Variants in SPATA6L observed in about 807,000 individuals in gnomAD.
SPATA6L encodes the protein spermatogenesis associated 6-like protein.
In SPATA6L, 68 loss-of-function variants were observed where a neutral mutation model predicts 49.2. The observed-to-expected ratio is 1.38, with a 90% CI of 1.14 to 1.69. The LOEUF is 1.69. Among genes scored for constraint, SPATA6L ranks in the 40% most tolerant of loss-of-function variants. SPATA6L has a pLI of 0.00. For missense variants in SPATA6L, 668 were observed against 464.3 expected (o/e 1.44, Z -4.03); for synonymous variants, 198 against 165.7 (o/e 1.19, Z -1.50).
chr9:4,661,986 C>A lies in SPATA6L; in HGVS notation c.90G>T (p.Gly30=). The A allele has an allele frequency of 6.2e-7, 1 of 1,614,010 alleles. No individual in the cohort carries two copies. The highest frequency in any genetic ancestry group is 1.6e-4 in the Middle Eastern group (1 of 6,062). The change falls in exon 2 of 12, where the codon GGG becomes GGT. Residue 30 remains glycine (G), a synonymous_variant. Coordinates refer to ENST00000682582, the MANE Select transcript of SPATA6L (RefSeq NM_001353486.2). The part of the protein sequence containing the change: ...FLPGKQDVYL[G]VYLMNQYLET... ...CCAGGTACTGATTCATGAGGTAGAC[C>A]CCGAGGTACACATCTTGTTTGCCAG...
chr9:4,606,757 G>A (rs1448741050), intron 9 of SPATA6L, among the ~76,000 whole-genome samples: 123 of 147,688 alleles, frequency 8.3e-4, no homozygotes, highest in Middle Eastern at 6.9e-3. Context: ...CCAAAGGAAT[G>A]CAGTTCCTCA....
chr9:4,650,575 T>G (rs1905765), intron 3 of SPATA6L, among the ~76,000 whole-genome samples: 64,846 of 151,956 alleles, frequency 0.43, 13,910 homozygotes, highest in East Asian at 0.6. Context: ...TTAGCTACAC[T>G]AACCAAGAAA....
At position 4,599,521 on chromosome 9, in the gene SPATA6L, A is replaced by G. The variant is rs1202620480; in HGVS notation, c.*1290T>C. Among the ~76,000 whole-genome samples the G allele has an allele frequency of 6.6e-6, 1 of 152,242 alleles. No individual in the cohort carries two copies. The highest frequency in any genetic ancestry group is 6.5e-5 in the Admixed American group (1 of 15,290). ...AGTGTCTTACTCTATTCAGGCTGCT[A>G]TAACAAAATGTCATAAACTGGGTAG... is the stretch of plus-strand genomic sequence containing the variant. On this transcript the variant is annotated 3_prime_UTR_variant, in exon 12 of 12. Transcript: ENST00000682582.
At chr9:4,658,529 G>A (rs754659714) in intron 2 of SPATA6L, among the ~76,000 whole-genome samples, 1 of 152,154 alleles carries the variant, frequency 6.6e-6, no homozygotes, top group Admixed American at 6.5e-5. Context: ...GTGGTTCCAT[G>A]ATTTGTTTGA....
intron 9 of SPATA6L, among the ~76,000 whole-genome samples, chr9:4,610,456 T>C (rs1434672403): frequency 5.9e-5 from 8 of 136,508 alleles, no homozygotes; most frequent in Admixed American, 1.5e-4. Context: ...GAGATATAGA[T>C]CAATGGAACA....
chr9:4,605,684 T>G (rs907399298), intron 9 of SPATA6L, among the ~76,000 whole-genome samples: 1 of 152,256 alleles, frequency 6.6e-6, no homozygotes, highest in Non-Finnish European at 1.5e-5. Context: ...TGAGTGATTC[T>G]TTTCTTCTTT....
At chr9:4,660,080 G>A (rs895509927) in intron 2 of SPATA6L, among the ~76,000 whole-genome samples, 1 of 152,190 alleles carries the variant, frequency 6.6e-6, no homozygotes, top group African/African-American at 2.4e-5. Context: ...AAAAACCCTA[G>A]AAGAAAACCT....
At chr9:4,649,652 C>T (rs1218825311) in intron 3 of SPATA6L, among the ~76,000 whole-genome samples, 1 of 152,206 alleles carries the variant, frequency 6.6e-6, no homozygotes, top group Non-Finnish European at 1.5e-5. Flanking sequence ...TATTCTTCCA[C>T]AGAGCGAGTT....
intron 11 of SPATA6L, among the ~76,000 whole-genome samples, chr9:4,601,424 A>T (rs966953007): frequency 1.1e-4 from 16 of 151,200 alleles, no homozygotes; most frequent in Non-Finnish European, 2.1e-4. Context: ...AAAATTCACC[A>T]ATTTTAAATA....
intron 4 of SPATA6L, among the ~76,000 whole-genome samples, chr9:4,632,154 G>A (rs1831727915): frequency 1.3e-5 from 2 of 150,174 alleles, no homozygotes; most frequent in South Asian, 4.2e-4. Flanking sequence ...TCAGTAGCCG[G>A]GATTACAGGT....
At position 4,625,547 on chromosome 9, in the gene SPATA6L, C is replaced by T. The variant is rs769063008; in HGVS notation, c.449G>A (p.Arg150Gln). ...NRFLEERHES[R>Q]RPLSTSHEPI... The stretch of plus-strand genomic sequence containing the variant: ...TTCATGTGATGTAGATAAAGGCCTC[C>T]GTGACTCATGTCTTTCTTCCTGAAA... Residue 150 changes from arginine (R) to glutamine (Q), a missense_variant, in exon 6 of 12, where the codon CGG (arginine) becomes CAG (glutamine). Transcript: ENST00000682582. 7.7e-5 allele frequency: 119 copies of T among 1,548,224 alleles called. No homozygotes were observed. Among genetic ancestry groups the T allele is most frequent in the Non-Finnish European group, 9.8e-5 (113 of 1,150,524 alleles).
At chr9:4,649,625 A>G (rs983767772) in intron 3 of SPATA6L, among the ~76,000 whole-genome samples, 1 of 152,222 alleles carries the variant, frequency 6.6e-6, no homozygotes, top group African/African-American at 2.4e-5. Context: ...TCCGCAAGAT[A>G]CTTCACTGAA....
chr9:4,607,859 A>C (rs1009516946), intron 9 of SPATA6L, among the ~76,000 whole-genome samples: 1 of 150,748 alleles, frequency 6.6e-6, no homozygotes, highest in African/African-American at 2.4e-5. Flanking sequence ...CAAATTGGAT[A>C]AAGAGTCAAG....
Position 4,662,873 on chromosome 9 carries a change from G to T in SPATA6L, c.40-837C>A. The T allele has an allele frequency of 6.2e-7, 1 of 1,606,260 alleles. No homozygotes were observed. The highest frequency in any genetic ancestry group is 1.3e-5 in the African/African-American group (1 of 75,066). Reference sequence around the variant, plus strand: ...ACAGCTGGGCCGGGCGCGAGGTGCTGATGAACCTGCTCTTCGCCCTGCTGT... The same window carrying T: ...ACAGCTGGGCCGGGCGCGAGGTGCTTATGAACCTGCTCTTCGCCCTGCTGT... On this transcript the variant is annotated intron_variant, in intron 1 of 11. Transcript: ENST00000682582. This position sits in a 1 kb window ranked among gnomAD's most constrained non-coding sequence, Gnocchi z 4.9.
intron 2 of SPATA6L, among the ~76,000 whole-genome samples, chr9:4,658,929 G>A (rs1301980446): frequency 7.5e-6 from 1 of 133,428 alleles, no homozygotes; most frequent in East Asian, 2.3e-4. Flanking sequence ...CAGCCTAGGT[G>A]ACAGAGCAAC....
intron 4 of SPATA6L, among the ~76,000 whole-genome samples, chr9:4,630,116 T>C (rs1050079399): frequency 3.3e-5 from 5 of 151,940 alleles, no homozygotes; most frequent in Admixed American, 6.6e-5. Flanking sequence ...ACTATGGTGA[T>C]AGAGAAAAGA....
At chr9:4,665,940 G>T (rs936608223) in intron 1 of SPATA6L, among the ~76,000 whole-genome samples, 1 of 151,802 alleles carries the variant, frequency 6.6e-6, no homozygotes, top group African/African-American at 2.4e-5. Context: ...ATGCAGGGTT[G>T]TTTGAAAAGA....
intron 9 of SPATA6L, among the ~76,000 whole-genome samples, chr9:4,606,219 G>A (rs1010172173): frequency 6.7e-6 from 1 of 149,276 alleles, no homozygotes; most frequent in Non-Finnish European, 1.5e-5. Context: ...GCGAGGCTGG[G>A]GGAGGGGCGC....
intron 11 of SPATA6L, among the ~76,000 whole-genome samples, chr9:4,602,914 G>T (rs181627976): frequency 6.6e-6 from 1 of 152,260 alleles, no homozygotes; most frequent in Non-Finnish European, 1.5e-5. Context: ...AATTAGATAT[G>T]AATTTGTTTA....
Sources: gnomAD v4.1 joint callset for allele counts (sites outside exome capture counted in the v4.1 genomes callset) on GRCh38, gnomAD v4.1.1 for gene constraint, Gnocchi (gnomAD v3.1) non-coding constraint, MANE v1.5 for transcripts, NCBI Gene and HGNC (gene_info 2026-07-23, HGNC 2026-07-21) for gene names.